The following TNKS variants were observed in gnomAD, a reference collection of about 807,000 sequenced individuals.
TNKS encodes the protein poly [ADP-ribose] polymerase tankyrase-1.
In TNKS, 72 loss-of-function variants were observed where a neutral mutation model predicts 135.8. The ratio of observed to expected loss-of-function variants is 0.53; its 90% CI spans 0.44 to 0.64. TNKS has a LOEUF of 0.64. TNKS is among the 30% of genes least tolerant of loss of function. TNKS has a pLI of 0.00. For missense variants in TNKS, 1,769 were observed against 1,674.0 expected, an observed-to-expected ratio of 1.06 and a Z score of -0.99; for synonymous variants, 849 against 649.3, an observed-to-expected ratio of 1.31 and a Z score of -4.68.
At position 9,611,089 on chromosome 8, in the gene TNKS, GT is replaced by G. The variant is rs1004905719; in HGVS notation, c.899-4490del. On this transcript the variant is annotated intron_variant, in intron 2 of 26. Transcript: ENST00000310430. Reference sequence around the variant, plus strand: ...TTGACATAGCTCATTTGAAAATGGTGTTTGAATTTTGTGACCCTACCTTAAT... The same window carrying G: ...TTGACATAGCTCATTTGAAAATGGTGTTGAATTTTGTGACCCTACCTTAAT... 2.4e-4 allele frequency among the ~76,000 whole-genome samples: 36 copies of G among 152,164 alleles called. 1 individual carries two copies. The highest frequency in any genetic ancestry group is 8.4e-4 in the African/African-American group (35 of 41,438).
intron 3 of TNKS, among the ~76,000 whole-genome samples, chr8:9,655,410 G>A (rs906291736): frequency 5.9e-5 from 9 of 152,282 alleles, no homozygotes; most frequent in Admixed American, 2.0e-4. Context: ...CTCCCAGCAC[G>A]CAGCTTGAGA....
At chr8:9,704,639 A>G (rs1314280912) in intron 5 of TNKS, 24 bp from the exon 6 acceptor site, 10 of 1,583,150 alleles carry the variant, frequency 6.3e-6, no homozygotes, top group Non-Finnish European at 8.6e-7. Flanking sequence ...TTTTACCTGA[A>G]AAGGGGATGT....
intron 25 of TNKS, among the ~76,000 whole-genome samples, chr8:9,766,818 G>C (rs1389907271): frequency 6.6e-6 from 1 of 152,130 alleles, no homozygotes; most frequent in African/African-American, 2.4e-5. Context: ...AGAAGTCACA[G>C]ATTATCCTCA....
At chr8:9,580,979 C>T (rs2129053419) in intron 2 of TNKS, among the ~76,000 whole-genome samples, 1 of 152,192 alleles carries the variant, frequency 6.6e-6, no homozygotes, top group East Asian at 1.9e-4. Flanking sequence ...TTTTGCTTTG[C>T]TGTATACAAT....
intron 20 of TNKS, among the ~76,000 whole-genome samples, chr8:9,754,790 C>T (rs1021538023): frequency 6.6e-6 from 1 of 152,080 alleles, no homozygotes; most frequent in African/African-American, 2.4e-5. Flanking sequence ...GGTGCCTTTG[C>T]GTCTAATGGT....
rs750284290 is a variant in TNKS at position 9,765,677 on chromosome 8, T to C, written c.3448-15T>C. The C allele has an allele frequency of 1.2e-5, 19 of 1,602,368 alleles. No homozygotes were observed. In the Admixed American group the frequency reaches 3.2e-4, roughly 27 times the overall value. ...CGTTTCACCGATAATGTTTCTTTCT[T>C]CTTCATCCTTAAAGATTCAAAAAGT... On this transcript the variant is annotated splice_polypyrimidine_tract_variant and intron_variant, in intron 23 of 26. Transcript: ENST00000310430.
At position 9,776,975 on chromosome 8, in the gene TNKS, A is replaced by G; in HGVS notation, c.*239A>G. 2.1e-6 allele frequency: 1 copy of G among 466,438 alleles called. No homozygotes were observed. Among genetic ancestry groups the G allele is most frequent in the South Asian group, 3.7e-5 (1 of 27,080 alleles). The allele number at this position is 466,438 out of a possible 1,614,324, so 28.9% of individuals were successfully genotyped here. A position where few individuals can be genotyped will look rare whatever the true frequency, so the allele number is the denominator to read the frequency against. On this transcript the variant is annotated 3_prime_UTR_variant, in exon 27 of 27. Coordinates refer to ENST00000310430, the MANE Select transcript of TNKS (RefSeq NM_003747.3). The stretch of plus-strand genomic sequence containing the variant: ...CGGCCTTTTAACATATCTCAGGCTC[A>G]TTTTCATTGCAATTATCCATTTCTA...
chr8:9,661,188 C>G (rs1360104445), intron 3 of TNKS, among the ~76,000 whole-genome samples: 3 of 151,942 alleles, frequency 2.0e-5, no homozygotes, highest in Admixed American at 6.6e-5. Context: ...AATGCGATCC[C>G]CATCAAGCTA....
intron 1 of TNKS, among the ~76,000 whole-genome samples, chr8:9,560,083 T>G (rs1450211627): frequency 6.6e-6 from 1 of 152,190 alleles, no homozygotes; most frequent in Non-Finnish European, 1.5e-5. Flanking sequence ...ATTTAAAGTA[T>G]AGCAGTCAAA....
chr8:9,621,869 G>C (rs901458586), intron 3 of TNKS, among the ~76,000 whole-genome samples: 6 of 151,948 alleles, frequency 3.9e-5, no homozygotes, highest in Non-Finnish European at 7.4e-5. Flanking sequence ...AATTTTATTA[G>C]GGGAAGTTAT....
intron 5 of TNKS, among the ~76,000 whole-genome samples, chr8:9,699,985 C>A (rs1803718621): frequency 6.6e-6 from 1 of 152,164 alleles, no homozygotes; most frequent in Non-Finnish European, 1.5e-5. Context: ...CTTCACACAA[C>A]CTGGAATAGT....
In TNKS at chr8:9,595,966, G is replaced by T. The variant is rs893758024; in HGVS notation, c.898+15583G>T. On this transcript the variant is annotated intron_variant, in intron 2 of 26. Coordinates refer to ENST00000310430, the MANE Select transcript of TNKS (RefSeq NM_003747.3). The stretch of plus-strand genomic sequence containing the variant: ...GTCTCTACAAAAAATTTAAAAATTA[G>T]CTGGGGGTGGTGGCACACACCTGTG... Among the ~76,000 whole-genome samples, 7 of 152,072 alleles carry T rather than the reference G, an allele frequency of 4.6e-5. 1 individual carries two copies. Among genetic ancestry groups the T allele is most frequent in the Admixed American group, 1.3e-4 (2 of 15,258 alleles).
chr8:9,775,993 T>C (rs994923792), intron 26 of TNKS, among the ~76,000 whole-genome samples: 4 of 151,282 alleles, frequency 2.6e-5, no homozygotes, highest in African/African-American at 9.7e-5. Context: ...CAGCCTCCTT[T>C]TTCCTGCTCC....
intron 3 of TNKS, among the ~76,000 whole-genome samples, chr8:9,616,367 A>G (rs560286057): frequency 2.0e-5 from 3 of 152,106 alleles, no homozygotes; most frequent in East Asian, 3.9e-4. Context: ...GCTGCATTGG[A>G]TCTATTTTTG....
intron 13 of TNKS, among the ~76,000 whole-genome samples, chr8:9,729,155 A>T (rs1805299796): frequency 6.6e-6 from 1 of 152,144 alleles, no homozygotes; most frequent in South Asian, 2.1e-4. Flanking sequence ...AAAACGGCCA[A>T]ATGCTGTGTG....
chr8:9,717,103 T>TATATATATATATATATATATATATG (rs1554476739), intron 11 of TNKS, among the ~76,000 whole-genome samples: 2 of 39,332 alleles, frequency 5.1e-5, no homozygotes, highest in African/African-American at 1.6e-4. Context: ...ATATATATAT[T>TATATATATATATATATATATATATG]TTCAGGGAAT....
chr8:9,628,631 C>G (rs901650241), intron 3 of TNKS, among the ~76,000 whole-genome samples: 3 of 152,178 alleles, frequency 2.0e-5, no homozygotes, highest in South Asian at 4.2e-4. Context: ...TTACTCCTCC[C>G]CATCTAACTT....
chr8:9,559,735 G>C (rs1259449943), intron 1 of TNKS, among the ~76,000 whole-genome samples: 1 of 152,114 alleles, frequency 6.6e-6, no homozygotes, highest in Non-Finnish European at 1.5e-5. Context: ...GATCTCAGAT[G>C]TGGTATGAAA....
intron 17 of TNKS, chr8:9,741,735 T>A (rs766498020): frequency 1.1e-5 from 6 of 529,894 alleles, no homozygotes; most frequent in South Asian, 8.4e-5. Context: ...ACAGTGGTTC[T>A]CTTGTGGCTC....
Sources: allele counts gnomAD v4.1 joint callset (sites outside exome capture counted in the v4.1 genomes callset), GRCh38; gene constraint gnomAD v4.1.1; transcripts MANE v1.5; gene names NCBI Gene and HGNC (gene_info 2026-07-23, HGNC 2026-07-21).